EYS: variants seen among roughly 807,000 people sequenced by gnomAD.
EYS encodes the protein EGF-like photoreceptor maintenance factor, also known as protein eyes shut homolog.
Under a neutral mutation model 282.1 loss-of-function variants are expected in EYS, and 250 were observed. The ratio of observed to expected loss-of-function variants is 0.89; its 90% CI spans 0.80 to 0.98. The LOEUF (loss-of-function observed/expected upper bound fraction) is 0.98. Among genes scored for constraint, EYS ranks in the 50% least tolerant of loss-of-function variants. EYS has a pLI of 0.00. For synonymous variants in EYS, 1,355 were observed against 1,282.9 expected (o/e 1.06, Z -1.20); for missense variants, 4,016 against 3,709.0 (o/e 1.08, Z -2.15).
At chr6:64,032,166 C>T (rs531120841) in intron 33 of EYS, among the ~76,000 whole-genome samples, 10 of 152,136 alleles carry the variant, frequency 6.6e-5, no homozygotes, top group South Asian at 2.1e-4. Context: ...ACTCCTGAGG[C>T]GGCGAGACCA....
rs1219700009 is a variant in EYS, at chr6:64,886,749, A to G, written c.2940T>C (p.Asn980=). 2 of 1,547,712 alleles carry G rather than the reference A, an allele frequency of 1.3e-6. No individual in the cohort carries two copies. The highest frequency in any genetic ancestry group is 2.0e-5 in the Admixed American group (1 of 50,598). The change falls in exon 19 of 43, where the codon AAT becomes AAC. Residue 980 remains asparagine (N), a synonymous_variant. Coordinates refer to ENST00000503581, the MANE Select transcript of EYS (RefSeq NM_001142800.2). ...TGTATCCATCAGTCCTGTAGACACA[A>G]TTTTCTTCATCTAGACAAGGTGAGA... The part of the protein sequence containing the change: ...CKISPCLDEE[N]CVYRTDGYNC...
chr6:63,952,384 C>T (rs142900577), intron 35 of EYS, among the ~76,000 whole-genome samples: 7 of 152,356 alleles, frequency 4.6e-5, no homozygotes, highest in South Asian at 2.1e-4. Context: ...TCAGAAGCCT[C>T]CTGGACCATC....
chr6:64,694,290 A>G (rs1027129239), intron 22 of EYS, among the ~76,000 whole-genome samples: 20 of 152,074 alleles, frequency 1.3e-4, no homozygotes, highest in African/African-American at 3.9e-4. Flanking sequence ...ATAAAAGTTA[A>G]AAAACCATTG....
intron 15 of EYS, among the ~76,000 whole-genome samples, chr6:64,934,339 A>T (rs1354330363): frequency 1.3e-5 from 2 of 151,882 alleles, no homozygotes; most frequent in Admixed American, 1.3e-4. Context: ...AAAGGGATAG[A>T]TAAATGCTTT....
At chr6:65,386,207 T>A (rs1308146803) in intron 7 of EYS, among the ~76,000 whole-genome samples, 2 of 151,202 alleles carry the variant, frequency 1.3e-5, no homozygotes, top group Admixed American at 1.3e-4. Context: ...GCCAAAGATT[T>A]TCTACTCTCA....
At chr6:63,957,038 C>A (rs1042297387) in intron 35 of EYS, among the ~76,000 whole-genome samples, 1 of 152,188 alleles carries the variant, frequency 6.6e-6, no homozygotes, top group Non-Finnish European at 1.5e-5. Context: ...ATTTGCTCTT[C>A]CTTTTTCTGG....
intron 36 of EYS, among the ~76,000 whole-genome samples, chr6:63,860,505 C>T (rs900922809): frequency 5.9e-5 from 9 of 152,204 alleles, no homozygotes; most frequent in African/African-American, 1.9e-4. Flanking sequence ...CTCTCTTTTG[C>T]CCCTTGGGCA....
intron 22 of EYS, chr6:64,733,285 C>G (rs1036621614): frequency 6.3e-6 from 1 of 158,372 alleles, no homozygotes; most frequent in African/African-American, 2.4e-5. Flanking sequence ...CAAAGCACCT[C>G]CAAGTGCTTT....
intron 15 of EYS, among the ~76,000 whole-genome samples, chr6:64,920,909 T>C (rs1257904215): frequency 2.0e-5 from 3 of 152,138 alleles, no homozygotes; most frequent in Non-Finnish European, 4.4e-5. Flanking sequence ...ATCTTCAGCA[T>C]GTCAGGTGTT....
intron 35 of EYS, among the ~76,000 whole-genome samples, chr6:63,900,827 G>T (rs1442848252): frequency 6.6e-6 from 1 of 152,098 alleles, no homozygotes; most frequent in Non-Finnish European, 1.5e-5. Flanking sequence ...ACTGAACAAA[G>T]ATATTGGTAG....
intron 37 of EYS, among the ~76,000 whole-genome samples, chr6:63,804,105 C>T (rs1209658356): frequency 1.3e-5 from 2 of 152,154 alleles, no homozygotes; most frequent in Non-Finnish European, 2.9e-5. Flanking sequence ...CAACCTCCGC[C>T]TCCTGGGTTC....
chr6:64,714,289 G>C (rs1771301828), intron 22 of EYS, among the ~76,000 whole-genome samples: 1 of 152,122 alleles, frequency 6.6e-6, no homozygotes, highest in Non-Finnish European at 1.5e-5. Context: ...GAGAAAAAAA[G>C]ATAAAATCTA....
At chr6:64,958,608 G>A (rs138280557) in intron 14 of EYS, among the ~76,000 whole-genome samples, 4 of 150,558 alleles carry the variant, frequency 2.7e-5, no homozygotes, top group Non-Finnish European at 5.9e-5. Context: ...AGTGGCGGGC[G>A]CCTGTAGTCC....
At chr6:64,980,155 T>C (rs1190160135) in intron 14 of EYS, among the ~76,000 whole-genome samples, 4 of 151,700 alleles carry the variant, frequency 2.6e-5, no homozygotes, top group African/African-American at 9.6e-5. Flanking sequence ...TGCAAGTTTT[T>C]TCTTTCCTTC....
intron 12 of EYS, among the ~76,000 whole-genome samples, chr6:65,294,296 G>T (rs1182303827): frequency 6.6e-6 from 1 of 151,914 alleles, no homozygotes; most frequent in African/African-American, 2.4e-5. Flanking sequence ...GAAGAGTTTA[G>T]AAGTAGGACT....
intron 2 of EYS, among the ~76,000 whole-genome samples, chr6:65,607,486 ATTTT>A (rs1471808328): frequency 2.0e-5 from 3 of 151,862 alleles, no homozygotes; most frequent in South Asian, 2.1e-4. Context: ...CCTTCTATTT[ATTTT>A]TGTCTGTTTA....
At chr6:64,433,200 A>G (rs769584203) in intron 28 of EYS, among the ~76,000 whole-genome samples, 2 of 152,002 alleles carry the variant, frequency 1.3e-5, no homozygotes, top group Non-Finnish European at 2.9e-5. Context: ...CAGTTCTATA[A>G]GGGTACGTAA....
At chr6:64,983,137 A>G (rs1469761169) in intron 14 of EYS, among the ~76,000 whole-genome samples, 1 of 151,284 alleles carries the variant, frequency 6.6e-6, no homozygotes, top group Non-Finnish European at 1.5e-5. Context: ...CATATTACGC[A>G]TCATCTTTTG....
At chr6:65,702,845 C>T (rs556692815) in intron 1 of EYS, among the ~76,000 whole-genome samples, 1 of 152,146 alleles carries the variant, frequency 6.6e-6, no homozygotes, top group South Asian at 2.1e-4. Context: ...GTCAACTTGG[C>T]TAGGCCATGG....
Sources: gnomAD v4.1 joint callset for allele counts (sites outside exome capture counted in the v4.1 genomes callset) on GRCh38, gnomAD v4.1.1 for gene constraint, MANE v1.5 for transcripts, NCBI Gene and HGNC (gene_info 2026-07-23, HGNC 2026-07-21) for gene names.